TIMM44: variants seen among roughly 807,000 people sequenced by gnomAD.
TIMM44 encodes mitochondrial import inner membrane translocase subunit TIM44.
TIMM44 carries 37 observed loss-of-function variants against 63.8 expected under a neutral mutation model. The observed-to-expected ratio is 0.58, with a 90% CI of 0.45 to 0.76. The LOEUF is 0.76. Ranked by LOEUF, TIMM44 falls within the 30% of genes least tolerant of loss-of-function variation. TIMM44 has a pLI of 0.00. For missense variants in TIMM44, 573 were observed against 603.8 expected (o/e 0.95, Z 0.54); for synonymous variants, 239 against 245.1 (o/e 0.98, Z 0.23).
In TIMM44 at chr19:7,926,792, AT is replaced by A; in HGVS notation, c.*394del. On this transcript the variant is annotated 3_prime_UTR_variant, in exon 13 of 13. Transcript: ENST00000270538. The stretch of plus-strand genomic sequence containing the variant: ...CACAAGATGGAAGAGCACTGTTAAA[AT>A]TAAAAAATGGACCTAAAGTGGCTTG... 1 of 301,330 alleles carries A rather than the reference AT, an allele frequency of 3.3e-6. No homozygotes were observed. Among genetic ancestry groups the A allele is most frequent in the Non-Finnish European group, 6.6e-6 (1 of 152,420 alleles). The allele number at this position is 301,330 out of a possible 1,614,324, so 18.7% of individuals were successfully genotyped here.
At chr19:7,927,433 G>A in intron 12 of TIMM44, 127 bp from the exon 13 acceptor site, 2 of 1,239,240 alleles carry the variant, frequency 1.6e-6, no homozygotes, top group Non-Finnish European at 2.3e-6. Context: ...GCAGAGGCCA[G>A]CACAATTGCC....
In TIMM44 at chr19:7,943,109, G is replaced by A. The variant is rs1333476116; in HGVS notation, c.45+498C>T. On this transcript the variant is annotated intron_variant, in intron 1 of 12. Coordinates refer to ENST00000270538, the MANE Select transcript of TIMM44 (RefSeq NM_006351.4). This position sits in a 1 kb window ranked among gnomAD's most constrained non-coding sequence, Gnocchi z 4.3. ...AGCAATATGAAGTACTACTTTCTGAGTGCGCCTTACACGTCTTGACTGCCA... is the reference window on the plus strand; with the variant it reads ...AGCAATATGAAGTACTACTTTCTGAATGCGCCTTACACGTCTTGACTGCCA... 2.6e-5 allele frequency among the ~76,000 whole-genome samples: 4 copies of A among 151,576 alleles called. No individual in the cohort carries two copies. Among genetic ancestry groups the A allele is most frequent in the African/African-American group, 7.3e-5 (3 of 41,244 alleles).
chr19:7,933,953 G>A lies in TIMM44; in HGVS notation c.594C>T (p.Thr198=), dbSNP rs372422745. 14 of 1,613,974 alleles carry A rather than the reference G, an allele frequency of 8.7e-6. No individual in the cohort carries two copies. The highest frequency in any genetic ancestry group is 4.0e-5 in the African/African-American group (3 of 74,916). The change falls in exon 6 of 13, where the codon ACC becomes ACT. Residue 198 remains threonine, a synonymous_variant. Coordinates refer to ENST00000270538, the MANE Select transcript of TIMM44 (RefSeq NM_006351.4). This position sits in a 1 kb window ranked among gnomAD's most constrained non-coding sequence, Gnocchi z 4.3. The part of the protein sequence containing the change: ...KEIDDSVLGQ[T]GPYRRPQRLR... ...GTCGCTGGGGCCTCCGGTAGGGCCCGGTCTGTCCCAGGACGCTGTCGTCAA... is the reference window on the plus strand; with the variant it reads ...GTCGCTGGGGCCTCCGGTAGGGCCCAGTCTGTCCCAGGACGCTGTCGTCAA...
intron 9 of TIMM44, chr19:7,932,215 G>A (rs778620209): frequency 6.0e-4 from 144 of 241,592 alleles, no homozygotes; most frequent in Middle Eastern, 1.5e-3. Context: ...GGACAGCACC[G>A]TGAGGGAACC....
rs534603540 is a variant in TIMM44 at position 7,931,621 on chromosome 19, G to A, written c.988-433C>T. On this transcript the variant is annotated intron_variant, in intron 9 of 12. Coordinates refer to ENST00000270538, the MANE Select transcript of TIMM44 (RefSeq NM_006351.4). ...GGACTGCAAGGCCCACCATGGGACC[G>A]GCTGCCTCCTAACTGCTGGGGGCAG... 3.9e-5 allele frequency: 8 copies of A among 205,762 alleles called. No homozygotes were observed. In the South Asian group the frequency reaches 4.4e-4, roughly 11 times the overall value. The allele number at this position is 205,762 out of a possible 1,614,324, so 12.7% of individuals were successfully genotyped here. A position where few individuals can be genotyped will look rare whatever the true frequency, so the allele number is the denominator to read the frequency against.
At chr19:7,932,068 G>C (rs1984000995) in intron 9 of TIMM44, among the ~76,000 whole-genome samples, 1 of 152,252 alleles carries the variant, frequency 6.6e-6, no homozygotes, top group African/African-American at 2.4e-5. Flanking sequence ...CTGCATCCTG[G>C]GGGCTGCAGA....
rs1325709169 is a variant in TIMM44 at position 7,927,156 on chromosome 19, AGGCCGGGGCTACCTGGCTCC to A, written c.*11_*30del. 8.2e-6 allele frequency: 13 copies of A among 1,592,544 alleles called. No individual in the cohort carries two copies. The highest frequency in any genetic ancestry group is 1.1e-5 in the Non-Finnish European group (13 of 1,175,046). Reference sequence around the variant, plus strand: ...GCGGTGCCTCTGTGCCTGATGACCCAGGCCGGGGCTACCTGGCTCCGGCACCACACTCAGAGAATCTGCTC... The same window carrying A: ...GCGGTGCCTCTGTGCCTGATGACCCAGGCACCACACTCAGAGAATCTGCTC... On this transcript the variant is annotated 3_prime_UTR_variant, in exon 13 of 13. Transcript: ENST00000270538.
chr19:7,933,506 C>A lies in TIMM44; in HGVS notation c.748G>T (p.Glu250Ter). 1 of 1,614,162 alleles carries A rather than the reference C, an allele frequency of 6.2e-7. No homozygotes were observed. Among genetic ancestry groups the A allele is most frequent in the Non-Finnish European group, 8.5e-7 (1 of 1,180,020 alleles). ...TCACGGTTAAACACCACGTTGTTCTCCTTGAAGTCCTTCCACTGCTGGTAC... is the reference window on the plus strand; with the variant it reads ...TCACGGTTAAACACCACGTTGTTCTACTTGAAGTCCTTCCACTGCTGGTAC... ...KWYQQWKDFK[E>*]NNVVFNRFFE... The change falls in exon 7 of 13, where the codon GAG becomes TAG. Residue 250 changes from glutamate (E) to a stop codon, truncating the protein, a stop_gained. Coordinates refer to ENST00000270538, the MANE Select transcript of TIMM44 (RefSeq NM_006351.4). LOFTEE classifies it high-confidence loss of function. This position sits in a 1 kb window ranked among gnomAD's most constrained non-coding sequence, Gnocchi z 4.3.
intron 3 of TIMM44, among the ~76,000 whole-genome samples, chr19:7,936,498 C>A (rs1388186900): frequency 6.6e-6 from 1 of 152,094 alleles, no homozygotes; most frequent in African/African-American, 2.4e-5. Flanking sequence ...ACAAATGAAA[C>A]CAAACCAAAC....
intron 1 of TIMM44, among the ~76,000 whole-genome samples, chr19:7,942,156 G>A (rs1386642854): frequency 6.6e-6 from 1 of 152,166 alleles, no homozygotes. Context: ...AGATCAGCCT[G>A]GCCAACATGG....
At position 7,934,240 on chromosome 19, in the gene TIMM44, T is replaced by C; in HGVS notation, c.394-2A>G. 1 of 1,611,556 alleles carries C rather than the reference T, an allele frequency of 6.2e-7. No individual in the cohort carries two copies. The highest frequency in any genetic ancestry group is 8.5e-7 in the Non-Finnish European group (1 of 1,179,944). ...ACTTTTACTGACTTCGTGAAGGCTC[T>C]ACTGAGACAGACACAGAGAGGGGGC... On this transcript the variant is annotated splice_acceptor_variant, in intron 4 of 12. Transcript: ENST00000270538. LOFTEE classifies it high-confidence loss of function. The surrounding 1 kb of genome is among the most constrained non-coding windows in gnomAD (Gnocchi z 5.3).
intron 10 of TIMM44, among the ~76,000 whole-genome samples, chr19:7,930,851 C>G (rs1017450315): frequency 2.0e-5 from 3 of 152,220 alleles, no homozygotes; most frequent in East Asian, 3.8e-4. Context: ...CTCTTAGACA[C>G]CAGCCCAGAG....
intron 11 of TIMM44, 70 bp downstream of exon 11, chr19:7,928,007 T>A: frequency 6.8e-7 from 1 of 1,464,116 alleles, no homozygotes. Flanking sequence ...CAAGGCCACC[T>A]CCTGGGCCTT....
At position 7,934,931 on chromosome 19, in the gene TIMM44, G is replaced by C; in HGVS notation, c.393+134C>G. The C allele has an allele frequency of 3.8e-6, 3 of 782,790 alleles. 1 individual carries two copies. Among genetic ancestry groups the C allele is most frequent in the Admixed American group, 4.1e-5 (2 of 48,444 alleles). 48.5% of individuals were successfully genotyped at this position (782,790 alleles called of 1,614,324 possible). The stretch of plus-strand genomic sequence containing the variant: ...TGCCGGGAACTCCTGAAACCTTCCC[G>C]AGGGTGGCAGCACGCCCCATGCCAC... On this transcript the variant is annotated intron_variant, in intron 4 of 12. Coordinates refer to ENST00000270538, the MANE Select transcript of TIMM44 (RefSeq NM_006351.4). The surrounding 1 kb of genome is among the most constrained non-coding windows in gnomAD (Gnocchi z 5.3).
chr19:7,933,413 C>T lies in TIMM44; in HGVS notation c.769+72G>A, dbSNP rs1024479344. The T allele has an allele frequency of 4.4e-5, 60 of 1,374,620 alleles. No homozygotes were observed. The African/African-American group carries it at 6.8e-4, about 16-fold the overall frequency. The allele number at this position is 1,374,620 out of a possible 1,614,324, so 85.2% of individuals were successfully genotyped here. A position where few individuals can be genotyped will look rare whatever the true frequency, so the allele number is the denominator to read the frequency against. ...AAACGGGGCTGTCTTGTGCCCAATGCAGGGGGATCACCTTGCGGTCCACCA... is the reference window on the plus strand; with the variant it reads ...AAACGGGGCTGTCTTGTGCCCAATGTAGGGGGATCACCTTGCGGTCCACCA... On this transcript the variant is annotated intron_variant, in intron 7 of 12. Coordinates refer to ENST00000270538, the MANE Select transcript of TIMM44 (RefSeq NM_006351.4). The surrounding 1 kb of genome is among the most constrained non-coding windows in gnomAD (Gnocchi z 4.3).
chr19:7,932,307 G>T (rs1358540275), intron 9 of TIMM44: 1 of 419,442 alleles, frequency 2.4e-6, no homozygotes, highest in Admixed American at 3.8e-5. Context: ...CCCAAGGGGT[G>T]AGGGGCTCCA....
intron 2 of TIMM44, among the ~76,000 whole-genome samples, chr19:7,940,082 T>A (rs1169537195): frequency 1.3e-5 from 2 of 151,998 alleles, no homozygotes; most frequent in Non-Finnish European, 2.9e-5. Context: ...TCCAGCCTGG[T>A]GCTCAGGCCC....
chr19:7,932,606 T>C lies in TIMM44; in HGVS notation c.987+21A>G. ...GCCAGGACCTGCCGCCTGGGAGGGG[T>C]CCTGGGGGTGTGGCACCCACCTCCA... On this transcript the variant is annotated intron_variant, in intron 9 of 12. Transcript: ENST00000270538. 3 of 1,597,244 alleles carry C rather than the reference T, an allele frequency of 1.9e-6. No individual in the cohort carries two copies. The East Asian group carries it at 6.7e-5, about 36-fold the overall frequency.
intron 3 of TIMM44, among the ~76,000 whole-genome samples, chr19:7,935,908 C>G (rs1158514610): frequency 6.6e-6 from 1 of 152,206 alleles, no homozygotes; most frequent in South Asian, 2.1e-4. Context: ...AGTCCCAGCT[C>G]TTTGGGAAGC....
Sources: gnomAD v4.1 joint callset for allele counts (sites outside exome capture counted in the v4.1 genomes callset) on GRCh38, gnomAD v4.1.1 for gene constraint, Gnocchi (gnomAD v3.1) non-coding constraint, MANE v1.5 for transcripts, NCBI Gene and HGNC (gene_info 2026-07-23, HGNC 2026-07-21) for gene names.